Variants in WWOX observed in about 807,000 individuals in gnomAD.
WWOX encodes WW domain-containing oxidoreductase.
In WWOX, 69 loss-of-function variants were observed where a neutral mutation model predicts 46.2. That is an observed-to-expected ratio of 1.49 (90% CI 1.23 to 1.82). The LOEUF is 1.82. WWOX is among the 40% of genes most tolerant of loss of function. WWOX has a pLI of 0.00. For synonymous variants in WWOX, 359 were observed against 202.6 expected (o/e 1.77, Z -6.56); for missense variants, 919 against 542.6 (o/e 1.69, Z -6.89).
At chr16:78,501,462 C>T (rs1487737244) in intron 8 of WWOX, among the ~76,000 whole-genome samples, 1 of 151,926 alleles carries the variant, frequency 6.6e-6, no homozygotes, top group Non-Finnish European at 1.5e-5. Flanking sequence ...AAAGTTCCAA[C>T]CTTTTTGCTG....
chr16:79,076,582 T>A (rs1385142836), intron 8 of WWOX, among the ~76,000 whole-genome samples: 2 of 152,190 alleles, frequency 1.3e-5, no homozygotes, highest in African/African-American at 4.8e-5. Flanking sequence ...GACCTCAGCC[T>A]ATCCAGGCCC....
chr16:78,436,107 G>C (rs76987355), intron 8 of WWOX, among the ~76,000 whole-genome samples: 1 of 152,150 alleles, frequency 6.6e-6, no homozygotes, highest in African/African-American at 2.4e-5. Context: ...AGTGCCTTTC[G>C]CATGGGAGGT....
rs1270043240 is a variant in WWOX at position 78,756,956 on chromosome 16, T to G, written c.1056+324204T>G. On this transcript the variant is annotated intron_variant, in intron 8 of 8. Transcript: ENST00000566780. The stretch of plus-strand genomic sequence containing the variant: ...TCACTCTAGGAAAAGCCAGCTGCCA[T>G]GTTGGGAGGATACTCAAGCATACCC... 1.0e-5 allele frequency: 7 copies of G among 703,038 alleles called. No homozygotes were observed. In the East Asian group the frequency reaches 1.9e-4, roughly 19 times the overall value. 43.5% of individuals were successfully genotyped at this position (703,038 alleles called of 1,614,324 possible).
At chr16:78,548,574 C>T (rs574923019) in intron 8 of WWOX, among the ~76,000 whole-genome samples, 4 of 152,234 alleles carry the variant, frequency 2.6e-5, no homozygotes, top group African/African-American at 9.6e-5. Context: ...TTTCACTTCC[C>T]ATCAATTTAA....
intron 6 of WWOX, among the ~76,000 whole-genome samples, chr16:78,404,442 C>T (rs2082479531): frequency 6.6e-6 from 1 of 152,116 alleles, no homozygotes. Flanking sequence ...CTGAGGGTCA[C>T]AGAAAGAACC....
At chr16:78,174,370 C>G (rs1741278929) in intron 5 of WWOX, among the ~76,000 whole-genome samples, 2 of 152,174 alleles carry the variant, frequency 1.3e-5, no homozygotes, top group South Asian at 4.2e-4. Flanking sequence ...AAAGACCGGC[C>G]CCCATGATTC....
At chr16:78,408,981 G>GGGCT (rs1171961531) in intron 6 of WWOX, among the ~76,000 whole-genome samples, 3 of 152,074 alleles carry the variant, frequency 2.0e-5, no homozygotes, top group African/African-American at 4.8e-5. Flanking sequence ...GCTTGGAGAT[G>GGGCT]GGCTGTAGCT....
chr16:78,424,087 T>TTTTTC (rs139515737), intron 6 of WWOX, among the ~76,000 whole-genome samples: 5 of 140,174 alleles, frequency 3.6e-5, no homozygotes, highest in Admixed American at 6.9e-5. Flanking sequence ...TTTTTCTTTG[T>TTTTTC]TTTTCTTTTC....
At chr16:79,022,284 G>A (rs919521333) in intron 8 of WWOX, among the ~76,000 whole-genome samples, 5 of 146,810 alleles carry the variant, frequency 3.4e-5, no homozygotes, top group South Asian at 2.1e-4. Context: ...CGAAAAGCTC[G>A]CTCTGATGCC....
intron 8 of WWOX, among the ~76,000 whole-genome samples, chr16:78,504,181 G>A (rs534386807): frequency 6.6e-6 from 1 of 152,268 alleles, no homozygotes; most frequent in South Asian, 2.1e-4. Flanking sequence ...GAAATACCAG[G>A]TGTATAGAAA....
chr16:78,517,401 A>T (rs2043258159), intron 8 of WWOX, among the ~76,000 whole-genome samples: 2 of 151,750 alleles, frequency 1.3e-5, no homozygotes, highest in South Asian at 4.2e-4. Context: ...AGCAATTGAA[A>T]ATCACCAGAA....
intron 1 of WWOX, among the ~76,000 whole-genome samples, chr16:78,106,368 A>G (rs2032143144): frequency 6.6e-6 from 1 of 150,856 alleles, no homozygotes; most frequent in South Asian, 2.1e-4. Flanking sequence ...CTGTGCCAGC[A>G]GAGAGCGGGT....
At chr16:78,631,379 A>T (rs116766219) in intron 8 of WWOX, among the ~76,000 whole-genome samples, 1,562 of 152,162 alleles carry the variant, frequency 0.01, 25 homozygotes, top group African/African-American at 0.035. Context: ...CCAAAACAGA[A>T]CTCAAACTGA....
At chr16:78,741,819 C>T (rs1377842884) in intron 8 of WWOX, among the ~76,000 whole-genome samples, 1 of 152,238 alleles carries the variant, frequency 6.6e-6, no homozygotes, top group Non-Finnish European at 1.5e-5. Context: ...TGTGCCACTA[C>T]ACTCCAGCCT....
chr16:78,919,851 C>G (rs902565303), intron 8 of WWOX, among the ~76,000 whole-genome samples: 1 of 152,136 alleles, frequency 6.6e-6, no homozygotes, highest in Non-Finnish European at 1.5e-5. Flanking sequence ...ATCCTGGAGA[C>G]ACAGTGTGTG....
At chr16:78,776,046 T>C (rs2050182594) in intron 8 of WWOX, among the ~76,000 whole-genome samples, 1 of 152,226 alleles carries the variant, frequency 6.6e-6, no homozygotes, top group Non-Finnish European at 1.5e-5. Context: ...GTCTTAAACC[T>C]ATAGGAGTAT....
chr16:78,665,929 C>T (rs1287989576), intron 8 of WWOX, among the ~76,000 whole-genome samples: 3 of 151,954 alleles, frequency 2.0e-5, no homozygotes, highest in Non-Finnish European at 1.5e-5. Flanking sequence ...AAGTGATCTG[C>T]CCACCTTGGC....
chr16:78,518,532 T>C lies in WWOX; in HGVS notation c.1056+85780T>C, dbSNP rs951002984. On this transcript the variant is annotated intron_variant, in intron 8 of 8. Coordinates refer to ENST00000566780, the MANE Select transcript of WWOX (RefSeq NM_016373.4). ...GACCACGCCTGGCCCATAAATGTTA[T>C]CTTTATATAACATACTCACAGCTCC... Among the ~76,000 whole-genome samples, 5 of 152,208 alleles carry C rather than the reference T, an allele frequency of 3.3e-5. 1 individual carries two copies. In the East Asian group the frequency reaches 5.8e-4, roughly 18 times the overall value.
intron 8 of WWOX, among the ~76,000 whole-genome samples, chr16:78,834,588 T>C (rs967790282): frequency 1.3e-5 from 2 of 152,188 alleles, no homozygotes; most frequent in African/African-American, 2.4e-5. Context: ...CCATTGCCGA[T>C]GATCAGAAAG....
Sources: gnomAD v4.1 joint callset for allele counts (sites outside exome capture counted in the v4.1 genomes callset) on GRCh38, gnomAD v4.1.1 for gene constraint, MANE v1.5 for transcripts, NCBI Gene and HGNC (gene_info 2026-07-23, HGNC 2026-07-21) for gene names.